HSD17B12: variants seen among roughly 807,000 people sequenced by gnomAD.
The protein encoded by HSD17B12 is hydroxysteroid 17-beta dehydrogenase 12.
Under a neutral mutation model 39.3 loss-of-function variants are expected in HSD17B12, and 32 were observed. The ratio of observed to expected loss-of-function variants is 0.81; its 90% CI spans 0.61 to 1.09. HSD17B12 has a LOEUF of 1.09. Among genes scored for constraint, HSD17B12 ranks in the 50% least tolerant of loss-of-function variants. HSD17B12 has a pLI of 0.00. For missense variants in HSD17B12, 342 were observed against 382.9 expected, an observed-to-expected ratio of 0.89 and a Z score of 0.89; for synonymous variants, 150 against 146.7, an observed-to-expected ratio of 1.02 and a Z score of -0.16.
In HSD17B12 at chr11:43,696,557, C is replaced by T. The variant is rs1949913443; in HGVS notation, c.160+15570C>T. Among the ~76,000 whole-genome samples the T allele has an allele frequency of 3.3e-5, 5 of 152,330 alleles. No individual in the cohort carries two copies. The South Asian group carries it at 1.0e-3, about 32-fold the overall frequency. On this transcript the variant is annotated intron_variant, in intron 1 of 10. Coordinates refer to ENST00000278353, the MANE Select transcript of HSD17B12 (RefSeq NM_016142.3). ...CTGTGGAGAAATAGGAACACTTTTACACTGTTAGTGGGACTCTAAATTAGT... is the reference window on the plus strand; with the variant it reads ...CTGTGGAGAAATAGGAACACTTTTATACTGTTAGTGGGACTCTAAATTAGT...
the HSD17B12 span, among the ~76,000 whole-genome samples, chr11:43,572,262 G>A: frequency 6.6e-6 from 1 of 152,138 alleles, no homozygotes; most frequent in African/African-American, 2.4e-5. Flanking sequence ...AACCAGCTAG[G>A]GCTTTCCTTG....
intron 9 of HSD17B12, among the ~76,000 whole-genome samples, chr11:43,846,464 G>A (rs1951475821): frequency 6.6e-6 from 1 of 152,174 alleles, no homozygotes; most frequent in Admixed American, 6.5e-5. Context: ...AGGAGTTCAA[G>A]GCCAGCCTGG....
intron 1 of HSD17B12, among the ~76,000 whole-genome samples, chr11:43,696,969 C>T (rs938477230): frequency 1.1e-4 from 17 of 150,326 alleles, no homozygotes; most frequent in African/African-American, 3.4e-4. Flanking sequence ...AATGAGAACA[C>T]GTGGACACAG....
chr11:43,795,359 C>T (rs1343291638), intron 3 of HSD17B12, among the ~76,000 whole-genome samples: 1 of 152,138 alleles, frequency 6.6e-6, no homozygotes, highest in Non-Finnish European at 1.5e-5. Flanking sequence ...CTAGACCCCT[C>T]CATTATAATT....
At chr11:43,787,195 G>C (rs1286283339) in intron 3 of HSD17B12, among the ~76,000 whole-genome samples, 1 of 152,012 alleles carries the variant, frequency 6.6e-6, no homozygotes, top group Non-Finnish European at 1.5e-5. Flanking sequence ...ACCCGCCTCC[G>C]CCTCCCAAAG....
At chr11:43,719,623 AAAAAAT>A (rs1950157671) in intron 1 of HSD17B12, among the ~76,000 whole-genome samples, 1 of 127,266 alleles carries the variant, frequency 7.9e-6, no homozygotes, top group Non-Finnish European at 1.8e-5. Context: ...TTCAAAAAAA[AAAAAAT>A]ATATATATAT....
At chr11:43,682,295 G>A (rs1333068852) in intron 1 of HSD17B12, among the ~76,000 whole-genome samples, 1 of 152,214 alleles carries the variant, frequency 6.6e-6, no homozygotes, top group Admixed American at 6.5e-5. Context: ...GCTCACGCCT[G>A]TAATCCCAGC....
intron 3 of HSD17B12, among the ~76,000 whole-genome samples, chr11:43,755,816 CAG>C (rs1209311054): frequency 6.6e-6 from 1 of 152,160 alleles, no homozygotes; most frequent in Admixed American, 6.5e-5. Context: ...AGATAAAAAA[CAG>C]AGTGTATTCG....
chr11:43,682,554 A>C (rs11500460), intron 1 of HSD17B12, among the ~76,000 whole-genome samples: 3 of 151,784 alleles, frequency 2.0e-5, no homozygotes, highest in Non-Finnish European at 4.4e-5. Context: ...CAAAAAAAAA[A>C]AAAAAAAAAA....
At chr11:43,558,552 G>A in the HSD17B12 span, among the ~76,000 whole-genome samples, 1 of 152,084 alleles carries the variant, frequency 6.6e-6, no homozygotes, top group Non-Finnish European at 1.5e-5. Flanking sequence ...CTTCTGGGAG[G>A]TGGAACACAG....
chr11:43,641,252 T>C, the HSD17B12 span, among the ~76,000 whole-genome samples: 1 of 150,320 alleles, frequency 6.7e-6, no homozygotes, highest in Non-Finnish European at 1.5e-5. Flanking sequence ...GATAGACCCC[T>C]TTTTTTTTGC....
At chr11:43,767,483 T>C (rs1590282165) in intron 3 of HSD17B12, among the ~76,000 whole-genome samples, 1 of 152,348 alleles carries the variant, frequency 6.6e-6, no homozygotes, top group East Asian at 1.9e-4. Flanking sequence ...AAAGGTTCAC[T>C]TTAACTTGAT....
the HSD17B12 span, among the ~76,000 whole-genome samples, chr11:43,657,084 C>T: frequency 6.6e-6 from 1 of 152,128 alleles, no homozygotes; most frequent in African/African-American, 2.4e-5. Context: ...TCTGGATGCT[C>T]CTGTATTGGG....
chr11:43,678,812 G>A (rs1303437365), upstream of HSD17B12, among the ~76,000 whole-genome samples: 1 of 152,200 alleles, frequency 6.6e-6, no homozygotes, highest in African/African-American at 2.4e-5. Context: ...TTTGGTGCCA[G>A]TACCATGCTG....
intron 3 of HSD17B12, among the ~76,000 whole-genome samples, chr11:43,787,159 C>T (rs1452126003): frequency 1.3e-5 from 2 of 152,042 alleles, no homozygotes; most frequent in East Asian, 3.9e-4. Flanking sequence ...CCAGGCTGAT[C>T]GCAAGCTACT....
At chr11:43,781,231 C>T (rs1209812584) in intron 3 of HSD17B12, among the ~76,000 whole-genome samples, 3 of 152,118 alleles carry the variant, frequency 2.0e-5, no homozygotes, top group Middle Eastern at 3.2e-3. Flanking sequence ...TTGATCTGTG[C>T]CCTTAACGCT....
At chr11:43,613,671 A>AT in the HSD17B12 span, among the ~76,000 whole-genome samples, 389 of 144,806 alleles carry the variant, frequency 2.7e-3, 2 homozygotes, top group East Asian at 0.021. Flanking sequence ...CCTTCCATGA[A>AT]TTTTTTTTTT....
At chr11:43,815,410 T>C (rs1402103323) in intron 4 of HSD17B12, 27 bp from the exon 5 acceptor site, 18 of 1,399,594 alleles carry the variant, frequency 1.3e-5, no homozygotes, top group Non-Finnish European at 1.8e-5. Flanking sequence ...CATATGTTAC[T>C]CAGCTAATCA....
intron 1 of HSD17B12, among the ~76,000 whole-genome samples, chr11:43,744,945 T>C (rs1950400234): frequency 6.6e-6 from 1 of 152,192 alleles, no homozygotes; most frequent in Non-Finnish European, 1.5e-5. Context: ...CCATTAGACA[T>C]GTACTGCCCA....
Sources: allele counts gnomAD v4.1 joint callset (sites outside exome capture counted in the v4.1 genomes callset), GRCh38; gene constraint gnomAD v4.1.1; transcripts MANE v1.5; gene names NCBI Gene and HGNC (gene_info 2026-07-23, HGNC 2026-07-21).